MECOM: variants seen among roughly 807,000 people sequenced by gnomAD.
The protein encoded by MECOM is MDS1 and EVI1 complex locus.
MECOM carries 13 observed loss-of-function variants against 116.3 expected under a neutral mutation model. The observed-to-expected ratio is 0.11, with a 90% CI of 0.07 to 0.18. The LOEUF (loss-of-function observed/expected upper bound fraction) is 0.18. Ranked by LOEUF, MECOM falls within the 10% of genes least tolerant of loss-of-function variation. The pLI, the probability that MECOM is intolerant of heterozygous loss-of-function variation, is 1.00. For synonymous variants in MECOM, 528 were observed against 535.2 expected (o/e 0.99, Z 0.19); for missense variants, 1,299 against 1,509.0 (o/e 0.86, Z 2.31).
chr3:169,646,783 AATG>A (rs935946849), intron 1 of MECOM, among the ~76,000 whole-genome samples: 40 of 152,252 alleles, frequency 2.6e-4, no homozygotes, highest in African/African-American at 9.4e-4. Flanking sequence ...TTCACTGGTA[AATG>A]ATAAGGTATA....
intron 2 of MECOM, among the ~76,000 whole-genome samples, chr3:169,303,930 G>C (rs1280443707): frequency 6.6e-6 from 1 of 152,216 alleles, no homozygotes; most frequent in Non-Finnish European, 1.5e-5. Context: ...CTGGTTATCA[G>C]AGAGGGTCAT....
At chr3:169,094,262 G>A (rs1331839665) in intron 13 of MECOM, among the ~76,000 whole-genome samples, 1 of 152,054 alleles carries the variant, frequency 6.6e-6, no homozygotes, top group Non-Finnish European at 1.5e-5. Flanking sequence ...AATTTTTTCT[G>A]TTCTTAAATC....
At chr3:169,121,895 T>C (rs1198075755) in intron 6 of MECOM, among the ~76,000 whole-genome samples, 1 of 131,942 alleles carries the variant, frequency 7.6e-6, no homozygotes, top group Admixed American at 7.1e-5. Flanking sequence ...TCCATTGGCA[T>C]GAAAAAAAAA....
chr3:169,210,399 C>T (rs745497940), intron 2 of MECOM, among the ~76,000 whole-genome samples: 2 of 152,034 alleles, frequency 1.3e-5, no homozygotes, highest in South Asian at 2.1e-4. Context: ...TACCAAGAAA[C>T]ATATTTCTGA....
At chr3:169,118,473 T>G (rs1265145589) in intron 7 of MECOM, among the ~76,000 whole-genome samples, 1 of 152,170 alleles carries the variant, frequency 6.6e-6, no homozygotes, top group African/African-American at 2.4e-5. Context: ...TTTGATACAC[T>G]AATTAAAATC....
chr3:169,147,097 T>A, intron 2 of MECOM: 3 of 987,094 alleles, frequency 3.0e-6, no homozygotes, highest in Non-Finnish European at 3.6e-6. Flanking sequence ...CTATTCCTTC[T>A]GGTTCACATC....
chr3:169,467,156 A>G (rs1371294895), intron 1 of MECOM: 1 of 152,194 alleles, frequency 6.6e-6, no homozygotes, highest in Non-Finnish European at 1.5e-5. Flanking sequence ...TTAACAGGGT[A>G]AGGAGAGTTT....
At chr3:169,477,330 G>A (rs922648483) in intron 1 of MECOM, among the ~76,000 whole-genome samples, 10 of 151,186 alleles carry the variant, frequency 6.6e-5, no homozygotes, top group East Asian at 3.9e-4. Flanking sequence ...TTATCTTTGC[G>A]CCCCGTCATT....
chr3:169,439,406 A>G (rs1743235070), intron 1 of MECOM, among the ~76,000 whole-genome samples: 1 of 150,394 alleles, frequency 6.6e-6, no homozygotes, highest in East Asian at 1.9e-4. Flanking sequence ...ATATATTAGT[A>G]TCCAGAATAC....
chr3:169,516,082 A>G (rs1371070058), intron 1 of MECOM, among the ~76,000 whole-genome samples: 3 of 152,236 alleles, frequency 2.0e-5, no homozygotes, highest in African/African-American at 7.2e-5. Context: ...AGAAGTATTT[A>G]AGGAAAAAAA....
chr3:169,176,916 A>C (rs1027986951), intron 2 of MECOM, among the ~76,000 whole-genome samples: 1 of 152,236 alleles, frequency 6.6e-6, no homozygotes, highest in Non-Finnish European at 1.5e-5. Flanking sequence ...TCACAATGAG[A>C]TACCATCTCA....
At chr3:169,158,149 A>G (rs1202012872) in intron 2 of MECOM, among the ~76,000 whole-genome samples, 1 of 152,194 alleles carries the variant, frequency 6.6e-6, no homozygotes, top group Non-Finnish European at 1.5e-5. Flanking sequence ...ATGACTCACT[A>G]AGTGTTTTAG....
At chr3:169,095,001 G>A in intron 13 of MECOM, 75 bp downstream of exon 13, 3 of 1,263,260 alleles carry the variant, frequency 2.4e-6, no homozygotes, top group Non-Finnish European at 3.1e-6. Flanking sequence ...AAAGAAGAAA[G>A]ATCACATTAT....
Position 169,440,691 on chromosome 3 carries a change from T to G in MECOM, c.38-59167A>C, listed in dbSNP as rs1211253048. Among the ~76,000 whole-genome samples the G allele has an allele frequency of 2.0e-5, 3 of 152,168 alleles. No homozygotes were observed. In the South Asian group the frequency reaches 6.2e-4, roughly 32 times the overall value. ...ATGAGACCTGTTATCATTGCTTATC[T>G]TTTTAGGGATAAACCATATGCCCTC... is the stretch of plus-strand genomic sequence containing the variant. On this transcript the variant is annotated intron_variant, in intron 1 of 16. Transcript: ENST00000651503.
chr3:169,203,885 A>G (rs1749539159), intron 2 of MECOM, among the ~76,000 whole-genome samples: 1 of 152,214 alleles, frequency 6.6e-6, no homozygotes, highest in Admixed American at 6.5e-5. Flanking sequence ...TAAGCTAAAC[A>G]GTTCAACCAA....
At chr3:169,432,165 C>T (rs1578082120) in intron 1 of MECOM, among the ~76,000 whole-genome samples, 1 of 145,266 alleles carries the variant, frequency 6.9e-6, no homozygotes, top group African/African-American at 2.5e-5. Flanking sequence ...GTACTACTGT[C>T]TTTTTTTTTT....
chr3:169,172,379 C>T (rs1744550955), intron 2 of MECOM, among the ~76,000 whole-genome samples: 1 of 150,824 alleles, frequency 6.6e-6, no homozygotes, highest in South Asian at 2.1e-4. Flanking sequence ...CAGGTTTTCA[C>T]TTCATTTACT....
At position 169,083,874 on chromosome 3, in the gene MECOM, G is replaced by T. The variant is rs1251355959; in HGVS notation, c.*1035C>A. Reference sequence around the variant, plus strand: ...TTATAATCGTTTATACAATTGAATCGATTTCAGTATTACAAAAACTAAGTT... The same window carrying T: ...TTATAATCGTTTATACAATTGAATCTATTTCAGTATTACAAAAACTAAGTT... On this transcript the variant is annotated 3_prime_UTR_variant, in exon 17 of 17. Transcript: ENST00000651503. 1 of 219,128 alleles carries T rather than the reference G, an allele frequency of 4.6e-6. No homozygotes were observed. The highest frequency in any genetic ancestry group is 9.2e-6 in the Non-Finnish European group (1 of 109,248). The allele number at this position is 219,128 out of a possible 1,614,324, so 13.6% of individuals were successfully genotyped here. A position where few individuals can be genotyped will look rare whatever the true frequency, so the allele number is the denominator to read the frequency against.
chr3:169,340,648 A>C (rs150111436), intron 2 of MECOM, among the ~76,000 whole-genome samples: 6 of 152,338 alleles, frequency 3.9e-5, no homozygotes, highest in Admixed American at 1.3e-4. Context: ...ATGAAAAAGA[A>C]AAACATGCAC....
Sources: allele counts gnomAD v4.1 joint callset (sites outside exome capture counted in the v4.1 genomes callset), GRCh38; gene constraint gnomAD v4.1.1; transcripts MANE v1.5; gene names NCBI Gene and HGNC (gene_info 2026-07-23, HGNC 2026-07-21).